The following LY86 variants were observed in gnomAD, a reference collection of about 807,000 sequenced individuals.
LY86 encodes lymphocyte antigen 86.
In LY86, 20 loss-of-function variants were observed where a neutral mutation model predicts 17.3. The observed-to-expected ratio is 1.15, with a 90% CI of 0.81 to 1.68. The LOEUF (loss-of-function observed/expected upper bound fraction) is 1.68, where lower values mean the gene tolerates loss of function less well. Among genes scored for constraint, LY86 ranks in the 40% most tolerant of loss-of-function variants. LY86 has a pLI of 0.00. For synonymous variants in LY86, 74 were observed against 70.6 expected (o/e 1.05, Z -0.24); for missense variants, 200 against 191.9 (o/e 1.04, Z -0.25).
chr6:6,639,909 G>A (rs1293045347), intron 3 of LY86, among the ~76,000 whole-genome samples: 2 of 152,100 alleles, frequency 1.3e-5, no homozygotes, highest in Admixed American at 6.5e-5. Flanking sequence ...TGTATAATAC[G>A]GGAAAAACTC....
At chr6:6,643,536 G>T (rs954966294) in intron 3 of LY86, among the ~76,000 whole-genome samples, 2 of 152,108 alleles carry the variant, frequency 1.3e-5, no homozygotes, top group Non-Finnish European at 2.9e-5. Context: ...GTGGTCAAAG[G>T]GTGCAAACTT....
At chr6:6,613,438 C>G (rs568513783) in intron 1 of LY86, among the ~76,000 whole-genome samples, 1 of 152,194 alleles carries the variant, frequency 6.6e-6, no homozygotes, top group Non-Finnish European at 1.5e-5. Flanking sequence ...CCTGCCGCGC[C>G]GGGAGGCAGC....
chr6:6,604,113 A>AAG (rs1761014738), intron 1 of LY86, among the ~76,000 whole-genome samples: 1 of 152,214 alleles, frequency 6.6e-6, no homozygotes, highest in African/African-American at 2.4e-5. Flanking sequence ...GCATATAGGC[A>AAG]GAAGGAAATA....
intron 1 of LY86, among the ~76,000 whole-genome samples, chr6:6,605,946 A>T (rs1267546461): frequency 6.6e-6 from 1 of 152,108 alleles, no homozygotes; most frequent in Non-Finnish European, 1.5e-5. Flanking sequence ...ATGGGTTATA[A>T]CTCATAAAAG....
At position 6,653,470 on chromosome 6, in the gene LY86, C is replaced by A. The variant is rs80097931; in HGVS notation, c.406-1074C>A. Among the ~76,000 whole-genome samples, 698 of 152,294 alleles carry A rather than the reference C, an allele frequency of 4.6e-3. 6 individuals are homozygous for A. Among genetic ancestry groups the A allele is most frequent in the African/African-American group, 0.016 (667 of 41,556 alleles). ...AGATTCGTGTCTACAAACACATCAC[C>A]GCTCCGTGGCTGCTGGGGTGCAGGA... is the stretch of plus-strand genomic sequence containing the variant. On this transcript the variant is annotated intron_variant, in intron 4 of 4. Coordinates refer to ENST00000230568, the MANE Select transcript of LY86 (RefSeq NM_004271.4).
chr6:6,618,462 C>T (rs547139810), intron 1 of LY86, among the ~76,000 whole-genome samples: 1 of 151,392 alleles, frequency 6.6e-6, no homozygotes, highest in South Asian at 2.1e-4. Flanking sequence ...AGCAGACAAG[C>T]TAGGGATCCA....
At chr6:6,638,099 A>G (rs1256666285) in intron 3 of LY86, among the ~76,000 whole-genome samples, 1 of 152,192 alleles carries the variant, frequency 6.6e-6, no homozygotes, top group Non-Finnish European at 1.5e-5. Flanking sequence ...CAACGACTAA[A>G]TAGTCGGCAC....
chr6:6,605,028 T>C (rs781042141), intron 1 of LY86, among the ~76,000 whole-genome samples: 35 of 137,762 alleles, frequency 2.5e-4, no homozygotes, highest in African/African-American at 4.9e-4. Flanking sequence ...TAAAAGACTT[T>C]GGAGAAAAAA....
chr6:6,606,099 A>T (rs1761134848), intron 1 of LY86, among the ~76,000 whole-genome samples: 1 of 152,164 alleles, frequency 6.6e-6, no homozygotes, highest in Non-Finnish European at 1.5e-5. Flanking sequence ...GGCCCCACCC[A>T]CATCCTGCTG....
chr6:6,654,652 G>C lies in LY86; in HGVS notation c.*25G>C. The stretch of plus-strand genomic sequence containing the variant: ...ACTGTGGCCTGTAGCAAAAATCACA[G>C]CCAGCTGCATCTCGTGGGACCTCCA... On this transcript the variant is annotated 3_prime_UTR_variant, in exon 5 of 5. Coordinates refer to ENST00000230568, the MANE Select transcript of LY86 (RefSeq NM_004271.4). The C allele has an allele frequency of 6.2e-7, 1 of 1,601,538 alleles. No homozygotes were observed. Among genetic ancestry groups the C allele is most frequent in the Non-Finnish European group, 8.6e-7 (1 of 1,168,818 alleles).
chr6:6,604,846 A>AG (rs1761046479), intron 1 of LY86, among the ~76,000 whole-genome samples: 1 of 151,836 alleles, frequency 6.6e-6, no homozygotes, highest in African/African-American at 2.4e-5. Flanking sequence ...AGGAAAAAAA[A>AG]AAATGGTAAA....
At chr6:6,612,005 A>ATGAGTACTGAGCACTG (rs1561782930) in intron 1 of LY86, among the ~76,000 whole-genome samples, 1 of 151,996 alleles carries the variant, frequency 6.6e-6, no homozygotes, top group Non-Finnish European at 1.5e-5. Context: ...ACTGAACACT[A>ATGAGTACTGAGCACTG]TGAAAATAAT....
chr6:6,653,482 G>GCTGGGGTGCAGGA (rs1412129518), intron 4 of LY86, among the ~76,000 whole-genome samples: 2 of 152,168 alleles, frequency 1.3e-5, no homozygotes, highest in Non-Finnish European at 2.9e-5. Context: ...CTCCGTGGCT[G>GCTGGGGTGCAGGA]CTGGGGTGCA....
At chr6:6,605,673 T>G (rs1453696047) in intron 1 of LY86, among the ~76,000 whole-genome samples, 1 of 152,220 alleles carries the variant, frequency 6.6e-6, no homozygotes, top group South Asian at 2.1e-4. Flanking sequence ...AATTGATGGG[T>G]TCTTCATCTC....
intron 3 of LY86, among the ~76,000 whole-genome samples, chr6:6,630,970 A>G (rs1403816966): frequency 1.3e-5 from 2 of 152,182 alleles, no homozygotes; most frequent in African/African-American, 4.8e-5. Context: ...ATTTATCATT[A>G]ATATATTATT....
intron 1 of LY86, among the ~76,000 whole-genome samples, chr6:6,609,276 C>T (rs1467505547): frequency 6.6e-6 from 1 of 152,212 alleles, no homozygotes; most frequent in Non-Finnish European, 1.5e-5. Flanking sequence ...GCAGACCCAC[C>T]CTGGCTTCAT....
intron 1 of LY86, among the ~76,000 whole-genome samples, chr6:6,620,143 TAC>T (rs142167599): frequency 6.6e-6 from 1 of 151,766 alleles, no homozygotes; most frequent in Non-Finnish European, 1.5e-5. Flanking sequence ...CATGCGCTTG[TAC>T]ACACACACAC....
At chr6:6,612,047 A>T (rs904772209) in intron 1 of LY86, among the ~76,000 whole-genome samples, 1 of 151,686 alleles carries the variant, frequency 6.6e-6, no homozygotes, top group Non-Finnish European at 1.5e-5. Flanking sequence ...GAGAGAGCAA[A>T]TTGAAGATGT....
At chr6:6,645,295 G>A (rs768047461) in intron 3 of LY86, among the ~76,000 whole-genome samples, 1 of 152,116 alleles carries the variant, frequency 6.6e-6, no homozygotes, top group African/African-American at 2.4e-5. Flanking sequence ...TCACACCTGG[G>A]TAAATAATAA....
Sources: allele counts gnomAD v4.1 joint callset (sites outside exome capture counted in the v4.1 genomes callset), GRCh38; gene constraint gnomAD v4.1.1; transcripts MANE v1.5; gene names NCBI Gene and HGNC (gene_info 2026-07-23, HGNC 2026-07-21).